RELL1: variants seen among roughly 807,000 people sequenced by gnomAD.
RELL1 encodes RELT-like protein 1.
A neutral mutation model predicts 23.0 loss-of-function variants in RELL1; 10 were observed. The observed-to-expected ratio is 0.43, with a 90% CI of 0.27 to 0.74. The LOEUF is 0.74. Among genes scored for constraint, RELL1 ranks in the 30% least tolerant of loss-of-function variants. The pLI, the probability that RELL1 is intolerant of heterozygous loss-of-function variation, is 0.19. For missense variants in RELL1, 315 were observed against 364.4 expected (o/e 0.86, Z 1.10); for synonymous variants, 146 against 146.8 (o/e 0.99, Z 0.04).
chr4:37,655,906 C>T (rs545285775), intron 1 of RELL1, among the ~76,000 whole-genome samples: 1 of 152,322 alleles, frequency 6.6e-6, no homozygotes, highest in Non-Finnish European at 1.5e-5. Context: ...TACGAAGGAA[C>T]TGCAAAATGG....
chr4:37,596,734 A>ATTTTT (rs1718867943), intron 6 of RELL1, among the ~76,000 whole-genome samples: 1 of 15,318 alleles, frequency 6.5e-5, no homozygotes, highest in East Asian at 2.4e-3. Context: ...ATATATATAT[A>ATTTTT]TATTTTTTTT....
At chr4:37,670,826 C>T (rs1273678420) in intron 1 of RELL1, among the ~76,000 whole-genome samples, 1 of 152,204 alleles carries the variant, frequency 6.6e-6, no homozygotes, top group Non-Finnish European at 1.5e-5. Context: ...CCCGCCTTGA[C>T]CTCCCAAAGT....
intron 1 of RELL1, among the ~76,000 whole-genome samples, chr4:37,656,486 G>A (rs1456407887): frequency 6.6e-6 from 1 of 152,210 alleles, no homozygotes; most frequent in Non-Finnish European, 1.5e-5. Context: ...TAGACCTCAT[G>A]TTAAGTGTTT....
At chr4:37,640,835 A>C (rs1282543314) in intron 3 of RELL1, among the ~76,000 whole-genome samples, 1 of 152,182 alleles carries the variant, frequency 6.6e-6, no homozygotes, top group Non-Finnish European at 1.5e-5. Flanking sequence ...TATATAAAGT[A>C]ATTTGCCACC....
At chr4:37,608,675 T>G (rs1187691369), downstream of RELL1, among the ~76,000 whole-genome samples, 1 of 150,820 alleles carries the variant, frequency 6.6e-6, no homozygotes, top group Non-Finnish European at 1.5e-5. Flanking sequence ...AGACAGAGTC[T>G]AGCTCTGTCA....
rs141579800 is a variant in RELL1 at position 37,595,409 on chromosome 4, A to G, written c.*4-4192T>C. ...TTCAACTGAAATATCTGTACTAAAA[A>G]AATGCGTTTGGCCTGAGATCTAAGT... is the stretch of plus-strand genomic sequence containing the variant. On this transcript the variant is annotated intron_variant, in intron 6 of 6. Transcript: ENST00000314117. Among the ~76,000 whole-genome samples the G allele has an allele frequency of 9.1e-3, 1,391 of 152,332 alleles. 25 individuals carry two copies. Among genetic ancestry groups the G allele is most frequent in the African/African-American group, 0.027 (1,128 of 41,584 alleles).
chr4:37,642,223 CA>C (rs1236812200), intron 3 of RELL1, among the ~76,000 whole-genome samples: 1 of 152,136 alleles, frequency 6.6e-6, no homozygotes, highest in African/African-American at 2.4e-5. Flanking sequence ...AGCCTGAAGG[CA>C]AAAACTTCAC....
intron 3 of RELL1, among the ~76,000 whole-genome samples, chr4:37,643,873 A>C (rs1373220772): frequency 6.6e-6 from 1 of 152,204 alleles, no homozygotes; most frequent in Non-Finnish European, 1.5e-5. Context: ...CACAGCTGGA[A>C]AGGGGTGTGC....
At chr4:37,609,469 C>T (rs988965879), downstream of RELL1, among the ~76,000 whole-genome samples, 1 of 152,182 alleles carries the variant, frequency 6.6e-6, no homozygotes, top group African/African-American at 2.4e-5. Context: ...CATTCTGCAG[C>T]CCATAGATTA....
chr4:37,671,164 C>G (rs1721821651), intron 1 of RELL1, among the ~76,000 whole-genome samples: 1 of 152,196 alleles, frequency 6.6e-6, no homozygotes, highest in African/African-American at 2.4e-5. Context: ...AAATGGGGTC[C>G]CCAGGCTAAC....
At chr4:37,626,033 C>T (rs1455823660) in intron 6 of RELL1, among the ~76,000 whole-genome samples, 1 of 151,816 alleles carries the variant, frequency 6.6e-6, no homozygotes, top group Non-Finnish European at 1.5e-5. Context: ...TAAATTAAAA[C>T]TATAATGAGA....
chr4:37,668,339 C>G (rs1721615273), intron 1 of RELL1, among the ~76,000 whole-genome samples: 1 of 152,146 alleles, frequency 6.6e-6, no homozygotes. Context: ...CCTCAGCCTG[C>G]CGAGTGCCTG....
At chr4:37,679,989 A>C (rs1441396596) in intron 1 of RELL1, among the ~76,000 whole-genome samples, 2 of 152,190 alleles carry the variant, frequency 1.3e-5, no homozygotes, top group Non-Finnish European at 2.9e-5. Flanking sequence ...GTTCAAGTTA[A>C]GTTTTACAAC....
intron 1 of RELL1, among the ~76,000 whole-genome samples, chr4:37,660,401 C>T (rs111711330): frequency 0.034 from 5,229 of 152,262 alleles, 115 homozygotes; most frequent in Middle Eastern, 0.082. Context: ...GATGAAGACA[C>T]AAGCCCATCT....
At chr4:37,660,500 T>C (rs1429968787) in intron 1 of RELL1, among the ~76,000 whole-genome samples, 3 of 152,180 alleles carry the variant, frequency 2.0e-5, no homozygotes, top group Admixed American at 1.3e-4. Flanking sequence ...GACAAATTCA[T>C]CTGGTAGCAA....
intron 6 of RELL1, among the ~76,000 whole-genome samples, chr4:37,598,062 A>AAT (rs1346683294): frequency 2.3e-4 from 27 of 116,832 alleles, no homozygotes; most frequent in South Asian, 5.6e-4. Flanking sequence ...AATGATATGT[A>AAT]ATATATATAT....
At chr4:37,669,421 C>A (rs1243825859) in intron 1 of RELL1, among the ~76,000 whole-genome samples, 1 of 150,198 alleles carries the variant, frequency 6.7e-6, no homozygotes, top group Non-Finnish European at 1.5e-5. Context: ...GGGGGTCAGC[C>A]CCCCACCCGG....
At chr4:37,626,034 TATA>T (rs1361661146) in intron 6 of RELL1, among the ~76,000 whole-genome samples, 6 of 152,040 alleles carry the variant, frequency 3.9e-5, no homozygotes, top group Admixed American at 2.6e-4. Flanking sequence ...AAATTAAAAC[TATA>T]ATGAGATAAT....
At chr4:37,646,422 T>A (rs1720712551) in intron 3 of RELL1, among the ~76,000 whole-genome samples, 1 of 152,176 alleles carries the variant, frequency 6.6e-6, no homozygotes, top group African/African-American at 2.4e-5. Context: ...CAGCAGCAGC[T>A]GCCAGTGGAC....
Sources: allele counts gnomAD v4.1 joint callset (sites outside exome capture counted in the v4.1 genomes callset), GRCh38; gene constraint gnomAD v4.1.1; transcripts MANE v1.5; gene names NCBI Gene and HGNC (gene_info 2026-07-23, HGNC 2026-07-21).